Variants in FBN1 observed in about 807,000 individuals in gnomAD.
FBN1 encodes the protein fibrillin-1.
A neutral mutation model predicts 365.1 loss-of-function variants in FBN1; 29 were observed. The ratio of observed to expected loss-of-function variants is 0.08; its 90% CI spans 0.06 to 0.11. FBN1 has a LOEUF of 0.11. FBN1 is among the 10% of genes least tolerant of loss of function. The pLI is 1.00. For synonymous variants in FBN1, 1,210 were observed against 1,270.5 expected, an observed-to-expected ratio of 0.95 and a Z score of 1.01; for missense variants, 2,476 against 3,703.2, an observed-to-expected ratio of 0.67 and a Z score of 8.60.
chr15:48,517,571 C>G (rs1321217816), intron 10 of FBN1, among the ~76,000 whole-genome samples: 3 of 152,152 alleles, frequency 2.0e-5, no homozygotes, highest in Non-Finnish European at 4.4e-5. Flanking sequence ...AATAAATCAT[C>G]TTTAGGTTTC....
chr15:48,624,867 G>A lies in FBN1; in HGVS notation c.165-11775C>T, dbSNP rs1054349931. Among the ~76,000 whole-genome samples, 6 of 152,232 alleles carry A rather than the reference G, an allele frequency of 3.9e-5. No individual in the cohort carries two copies. The East Asian group carries it at 9.6e-4, about 24-fold the overall frequency. ...AGGCCGGCCAGAGGCGGAGCCGGGG[G>A]TGGAGCTTGTGGAATTCCTTTACCA... On this transcript the variant is annotated intron_variant, in intron 2 of 65. Coordinates refer to ENST00000316623, the MANE Select transcript of FBN1 (RefSeq NM_000138.5).
At position 48,411,051 on chromosome 15, in the gene FBN1, T is replaced by G; in HGVS notation, c.8555A>C (p.Asp2852Ala). Residue 2852 changes from aspartate (D) to alanine (A), a missense_variant, in exon 66 of 66, where the codon GAC (aspartate) becomes GCC (alanine). Physicochemically the swap from Asp to Ala is moderately radical, Grantham distance 126. This residue lies in a region of FBN1 where 177 missense variants were observed against 192.7 expected (regional missense o/e 0.92). Coordinates refer to ENST00000316623, the MANE Select transcript of FBN1 (RefSeq NM_000138.5). ...ATCACCCAGTTCACCACTGAGGTAGTCTTTGTCATATTTGTCTTCTAGTTG... is the reference window on the plus strand; with the variant it reads ...ATCACCCAGTTCACCACTGAGGTAGGCTTTGTCATATTTGTCTTCTAGTTG... Reference protein sequence around the residue: ...LNQLEDKYDKDYLSGELGDNL... With the variant: ...LNQLEDKYDKAYLSGELGDNL... 1 of 1,613,836 alleles carries G rather than the reference T, an allele frequency of 6.2e-7. No homozygotes were observed. Among genetic ancestry groups the G allele is most frequent in the Non-Finnish European group, 8.5e-7 (1 of 1,179,964 alleles).
At chr15:48,563,370 A>G (rs1404663883) in intron 6 of FBN1, among the ~76,000 whole-genome samples, 1 of 152,102 alleles carries the variant, frequency 6.6e-6, no homozygotes, top group Non-Finnish European at 1.5e-5. Flanking sequence ...TTAATTAATG[A>G]GTATCATATG....
intron 15 of FBN1, among the ~76,000 whole-genome samples, chr15:48,505,567 C>G (rs1334275786): frequency 6.6e-6 from 1 of 152,196 alleles, no homozygotes; most frequent in Non-Finnish European, 1.5e-5. Flanking sequence ...ATCACCCAGA[C>G]TGGCATCACT....
At chr15:48,445,830 C>T (rs1313724665) in intron 47 of FBN1, among the ~76,000 whole-genome samples, 2 of 151,786 alleles carry the variant, frequency 1.3e-5, no homozygotes, top group Admixed American at 1.3e-4. Flanking sequence ...AAAATAAAAT[C>T]CTAATACACA....
At chr15:48,605,263 A>C (rs1472845548) in intron 4 of FBN1, among the ~76,000 whole-genome samples, 1 of 152,238 alleles carries the variant, frequency 6.6e-6, no homozygotes, top group Non-Finnish European at 1.5e-5. Context: ...CCTGTCTCAA[A>C]GAATAAGTAA....
intron 6 of FBN1, among the ~76,000 whole-genome samples, chr15:48,588,084 A>G (rs2044450366): frequency 6.6e-6 from 1 of 152,210 alleles, no homozygotes; most frequent in South Asian, 2.1e-4. Flanking sequence ...GATATGTATT[A>G]CTGGAAGTTC....
intron 45 of FBN1, among the ~76,000 whole-genome samples, chr15:48,452,318 T>C (rs1456671810): frequency 6.6e-6 from 1 of 152,196 alleles, no homozygotes; most frequent in Non-Finnish European, 1.5e-5. Flanking sequence ...ACGAAATCTA[T>C]GTATGCGAAT....
rs561634563 is a variant in FBN1 at position 48,477,359 on chromosome 15, T to G, written c.3965-2709A>C. On this transcript the variant is annotated intron_variant, in intron 32 of 65. Transcript: ENST00000316623. ...CTGTGTATCATGGGCTTTTGGGTAATAGGAGAGAGTAACTCAGGAGCCAAT... is the reference window on the plus strand; with the variant it reads ...CTGTGTATCATGGGCTTTTGGGTAAGAGGAGAGAGTAACTCAGGAGCCAAT... Among the ~76,000 whole-genome samples the G allele has an allele frequency of 2.0e-5, 3 of 152,328 alleles. No homozygotes were observed. In the South Asian group the frequency reaches 6.2e-4, roughly 32 times the overall value.
chr15:48,513,715 C>T (rs2043779714), intron 12 of FBN1, 47 bp from the exon 13 acceptor site: 1 of 1,610,158 alleles, frequency 6.2e-7, no homozygotes. Context: ...AGCAATACCT[C>T]ATAATTCTAA....
chr15:48,468,240 A>G, intron 37 of FBN1, 138 bp from the exon 38 acceptor site: 1 of 1,339,576 alleles, frequency 7.5e-7, no homozygotes, highest in Admixed American at 1.8e-5. Context: ...TGAACATTAT[A>G]CACTACCGAG....
In FBN1 at chr15:48,487,218, A is replaced by C. The variant is rs1321004630; in HGVS notation, c.3464-18T>G. 1 of 1,614,142 alleles carries C rather than the reference A, an allele frequency of 6.2e-7. No homozygotes were observed. The highest frequency in any genetic ancestry group is 1.7e-5 in the Admixed American group (1 of 60,018). ...ATTGATGTCTGTCGGGAAAATAAGA[A>C]GAACAAACACCCAAACATAAGCTTC... On this transcript the variant is annotated intron_variant, in intron 28 of 65. Coordinates refer to ENST00000316623, the MANE Select transcript of FBN1 (RefSeq NM_000138.5).
At position 48,492,585 on chromosome 15, in the gene FBN1, A is replaced by C. The variant is rs774419072; in HGVS notation, c.2730T>G (p.Asp910Glu). The C allele has an allele frequency of 6.3e-7, 1 of 1,597,852 alleles. No individual in the cohort carries two copies. Among genetic ancestry groups the C allele is most frequent in the South Asian group, 1.1e-5 (1 of 89,876 alleles). ...CTGGGAACACTTCACATTCATCTAT[A>C]TCTAAAAAGAAAAAAAAAGTATAAA... ...YSRIKGTQCE[D>E]IDECEVFPGV... Residue 910 changes from aspartate (D) to glutamate (E), a missense_variant and splice_region_variant, in exon 24 of 66, where the codon GAT becomes GAG. Asp to Glu is a conservative substitution (Grantham distance 45). Coordinates refer to ENST00000316623, the MANE Select transcript of FBN1 (RefSeq NM_000138.5).
chr15:48,618,537 C>T (rs1889703361), intron 2 of FBN1, among the ~76,000 whole-genome samples: 1 of 152,134 alleles, frequency 6.6e-6, no homozygotes, highest in Non-Finnish European at 1.5e-5. Flanking sequence ...CTGCCAGTCA[C>T]AATGCAACCT....
chr15:48,512,487 C>G (rs376991315), intron 13 of FBN1, among the ~76,000 whole-genome samples: 17 of 152,310 alleles, frequency 1.1e-4, no homozygotes, highest in African/African-American at 4.1e-4. Flanking sequence ...CAACCCTCCA[C>G]CCTCCAATAG....
At chr15:48,532,128 C>A (rs1306026278) in intron 8 of FBN1, among the ~76,000 whole-genome samples, 1 of 152,188 alleles carries the variant, frequency 6.6e-6, no homozygotes, top group Non-Finnish European at 1.5e-5. Flanking sequence ...AAATTAGAAT[C>A]TTCTGTCTAG....
Position 48,469,083 on chromosome 15 carries a change from T to TAATATATATTAC in FBN1, c.4460-550_4460-549insGTAATATATATT, listed in dbSNP as rs1043372167. On this transcript the variant is annotated intron_variant, in intron 36 of 65. Coordinates refer to ENST00000316623, the MANE Select transcript of FBN1 (RefSeq NM_000138.5). Reference sequence around the variant, plus strand: ...ACTCCGTCTCAAAAAAAAAAAAATATATATATATATAAAATATAATATATA... The same window carrying TAATATATATTAC: ...ACTCCGTCTCAAAAAAAAAAAAATATAATATATATTACATATATATATAAAATATAATATATA... 6.4e-4 allele frequency among the ~76,000 whole-genome samples: 76 copies of TAATATATATTAC among 118,740 alleles called. 1 individual carries two copies. The East Asian group carries it at 0.02, about 32-fold the overall frequency. The allele number at this position is 118,740 out of a possible 152,430, so 77.9% of individuals were successfully genotyped here. A position where few individuals can be genotyped will look rare whatever the true frequency, so the allele number is the denominator to read the frequency against.
rs959567666 is a variant in FBN1 at position 48,467,938 on chromosome 15, A to C, written c.4747T>G (p.Ser1583Ala). ...PCEMCPAVNT[S>A]EYKILCPGGE... ...AATAAATAGGAGGATGTCCACTTAC[A>C]TGTGTTCACAGCAGGACACATCTCA... The change falls in exon 38 of 66, where the codon TCC becomes GCC. Residue 1583 changes from serine (S) to alanine (A), a missense_variant and splice_region_variant. By Grantham distance (99) the Ser-to-Ala change is moderately conservative. This residue lies in a region of FBN1 where 1,780 missense variants were observed against 2,840.8 expected (regional missense o/e 0.63). Coordinates refer to ENST00000316623, the MANE Select transcript of FBN1 (RefSeq NM_000138.5). 6.2e-7 allele frequency: 1 copy of C among 1,612,936 alleles called. No homozygotes were observed.
At chr15:48,618,275 A>G (rs1275135871) in intron 2 of FBN1, among the ~76,000 whole-genome samples, 1 of 152,194 alleles carries the variant, frequency 6.6e-6, no homozygotes, top group Non-Finnish European at 1.5e-5. Context: ...CAATTACAAT[A>G]CATAAATGAG....
Sources: gnomAD v4.1 joint callset for allele counts (sites outside exome capture counted in the v4.1 genomes callset) on GRCh38, gnomAD v4.1.1 for gene constraint, gnomAD v4.1.1 regional missense constraint, MANE v1.5 for transcripts, NCBI Gene and HGNC (gene_info 2026-07-23, HGNC 2026-07-21) for gene names.